COG6: variants seen among roughly 807,000 people sequenced by gnomAD.
COG6 encodes component of oligomeric golgi complex 6.
Under a neutral mutation model 88.8 loss-of-function variants are expected in COG6, and 74 were observed. The observed-to-expected ratio is 0.83, with a 90% CI of 0.69 to 1.01. COG6 has a LOEUF of 1.01. COG6 is among the 50% of genes least tolerant of loss of function. The pLI is 0.00. For missense variants in COG6, 800 were observed against 797.9 expected, an observed-to-expected ratio of 1.00 and a Z score of -0.03; for synonymous variants, 286 against 278.7, an observed-to-expected ratio of 1.03 and a Z score of -0.26.
intron 18 of COG6, among the ~76,000 whole-genome samples, chr13:39,771,435 T>G (rs974263262): frequency 1.3e-5 from 2 of 152,138 alleles, no homozygotes; most frequent in Non-Finnish European, 2.9e-5. Context: ...TGCCCAGCGC[T>G]CCCCAGGGAG....
chr13:39,740,075 T>C (rs571670092), intron 18 of COG6, among the ~76,000 whole-genome samples: 5 of 152,322 alleles, frequency 3.3e-5, no homozygotes, highest in South Asian at 2.1e-4. Flanking sequence ...ATGAAACTTA[T>C]AAAAATTTAT....
At chr13:39,714,052 A>C (rs561840598) in intron 13 of COG6, among the ~76,000 whole-genome samples, 1 of 152,170 alleles carries the variant, frequency 6.6e-6, no homozygotes, top group Admixed American at 6.5e-5. Context: ...TTTACCATCA[A>C]CTCTAACTGT....
chr13:39,677,633 A>C (rs1226195095), intron 5 of COG6, 54 bp downstream of exon 5: 1 of 1,055,184 alleles, frequency 9.5e-7, no homozygotes, highest in Admixed American at 2.2e-5. Flanking sequence ...CAGATATTAG[A>C]GAGAAATTGC....
chr13:39,685,270 G>A (rs1593423970), intron 8 of COG6, among the ~76,000 whole-genome samples: 1 of 152,074 alleles, frequency 6.6e-6, no homozygotes, highest in Non-Finnish European at 1.5e-5. Flanking sequence ...TTTGATTATT[G>A]TTGGAAGAAT....
intron 18 of COG6, among the ~76,000 whole-genome samples, chr13:39,735,317 C>A (rs772319278): frequency 6.6e-6 from 1 of 151,938 alleles, no homozygotes; most frequent in African/African-American, 2.4e-5. Flanking sequence ...ATATCTTATA[C>A]TGCATTATTT....
chr13:39,768,420 G>A (rs12875311), intron 18 of COG6, among the ~76,000 whole-genome samples: 44,823 of 152,076 alleles, frequency 0.29, 6,828 homozygotes, highest in Non-Finnish European at 0.35. Flanking sequence ...GCTCTTGATT[G>A]CTGTGTGGGT....
chr13:39,747,940 A>G (rs918154070), intron 18 of COG6, among the ~76,000 whole-genome samples: 5 of 152,206 alleles, frequency 3.3e-5, no homozygotes, highest in African/African-American at 9.6e-5. Context: ...ATCATATTCA[A>G]TATTTATAAT....
chr13:39,661,708 A>C (rs1456621649), intron 3 of COG6, among the ~76,000 whole-genome samples: 2 of 151,564 alleles, frequency 1.3e-5, no homozygotes, highest in Non-Finnish European at 2.9e-5. Context: ...TTAATTTGAC[A>C]ATATTTAAAT....
rs554236984 is a variant in COG6, at chr13:39,668,476, T to C, written c.428+3322T>C. 1.3e-4 allele frequency among the ~76,000 whole-genome samples: 20 copies of C among 152,258 alleles called. No homozygotes were observed. The South Asian group carries it at 3.5e-3, about 27-fold the overall frequency. ...TGTTAAACTTTATATTTTGAGATAA[T>C]TATAGATTCACATGCAGTTGTAAGA... On this transcript the variant is annotated intron_variant, in intron 4 of 18. Coordinates refer to ENST00000455146, the MANE Select transcript of COG6 (RefSeq NM_020751.3).
rs1440633032 is a variant in COG6, at chr13:39,744,333, A to G, written c.1827-6613A>G. Among the ~76,000 whole-genome samples, 5 of 152,236 alleles carry G rather than the reference A, an allele frequency of 3.3e-5. No homozygotes were observed. The East Asian group carries it at 5.8e-4, about 18-fold the overall frequency. ...CAAATCATCCCTGTTTGCAGATGAC[A>G]TGATTGCATATTTAGAAAACCCCAT... On this transcript the variant is annotated intron_variant, in intron 18 of 18. Coordinates refer to ENST00000455146, the MANE Select transcript of COG6 (RefSeq NM_020751.3).
chr13:39,661,859 G>A (rs562897230), intron 3 of COG6, among the ~76,000 whole-genome samples: 3 of 150,876 alleles, frequency 2.0e-5, no homozygotes, highest in African/African-American at 7.3e-5. Flanking sequence ...CTTCCATGAC[G>A]TAATGCCTTT....
rs142917945 is a variant in COG6, at chr13:39,787,113, A to G, written c.1827-1222A>G. Among the ~76,000 whole-genome samples, 164 of 152,220 alleles carry G rather than the reference A, an allele frequency of 1.1e-3. 2 individuals carry two copies. Among genetic ancestry groups the G allele is most frequent in the Middle Eastern group, 6.8e-3 (2 of 294 alleles). ...AGGAAATGTCCCTCTTCATTGTGAG[A>G]TTGGCTCATCATGCTGTGAACTATA... On this transcript the variant is annotated intron_variant, in intron 18 of 18. Coordinates refer to the COG6 transcript ENST00000416691.
At chr13:39,698,031 T>G (rs2138029794) in intron 12 of COG6, among the ~76,000 whole-genome samples, 1 of 152,026 alleles carries the variant, frequency 6.6e-6, no homozygotes, top group African/African-American at 2.4e-5. Context: ...AATGGGAGTA[T>G]AGGCATGTTG....
chr13:39,785,461 G>A (rs1170147254), intron 18 of COG6: 2 of 152,108 alleles, frequency 1.3e-5, no homozygotes, highest in Non-Finnish European at 2.9e-5. Flanking sequence ...ACCAACTTTG[G>A]TGACACTAAT....
chr13:39,758,434 A>G (rs576406641), intron 18 of COG6, among the ~76,000 whole-genome samples: 8 of 152,274 alleles, frequency 5.3e-5, no homozygotes, highest in African/African-American at 1.9e-4. Context: ...TGTGCCAAGT[A>G]TTTGAATAGG....
intron 18 of COG6, among the ~76,000 whole-genome samples, chr13:39,730,344 A>G (rs1245066615): frequency 1.3e-5 from 2 of 152,208 alleles, no homozygotes; most frequent in African/African-American, 4.8e-5. Flanking sequence ...TATGCAAAGT[A>G]TTGGAAAATT....
chr13:39,705,801 A>G (rs1026088478), intron 13 of COG6, among the ~76,000 whole-genome samples: 11 of 152,128 alleles, frequency 7.2e-5, no homozygotes. Flanking sequence ...AGACATGCAG[A>G]TATCTCAGGT....
intron 13 of COG6, among the ~76,000 whole-genome samples, chr13:39,704,127 G>A (rs1877745781): frequency 6.6e-6 from 1 of 152,000 alleles, no homozygotes; most frequent in Non-Finnish European, 1.5e-5. Flanking sequence ...TTTCCCAAGT[G>A]GTTATCCATT....
chr13:39,744,642 G>C (rs1055406288), intron 18 of COG6, among the ~76,000 whole-genome samples: 1 of 152,184 alleles, frequency 6.6e-6, no homozygotes, highest in African/African-American at 2.4e-5. Flanking sequence ...CATGCTCATA[G>C]ATGGGAAGAA....
Sources: gnomAD v4.1 joint callset for allele counts (sites outside exome capture counted in the v4.1 genomes callset) on GRCh38, gnomAD v4.1.1 for gene constraint, MANE v1.5 for transcripts, NCBI Gene and HGNC (gene_info 2026-07-23, HGNC 2026-07-21) for gene names.